MAPK8IP1: variants seen among roughly 807,000 people sequenced by gnomAD.
MAPK8IP1 encodes the protein mitogen-activated protein kinase 8 interacting protein 1, also known as C-Jun-amino-terminal kinase-interacting protein 1.
A neutral mutation model predicts 72.6 loss-of-function variants in MAPK8IP1; 17 were observed. That is an observed-to-expected ratio of 0.23 (90% CI 0.16 to 0.35). MAPK8IP1 has a LOEUF of 0.35. MAPK8IP1 is among the 10% of genes least tolerant of loss of function. The probability of loss-of-function intolerance (pLI) is 1.00; values close to 1 mark genes in which losing one functional copy is unlikely to be tolerated. For synonymous variants in MAPK8IP1, 401 were observed against 443.4 expected (o/e 0.90, Z 1.20); for missense variants, 789 against 1,009.7 (o/e 0.78, Z 2.96).
At chr11:45,896,618 G>C in intron 1 of MAPK8IP1, 1 of 1,354,058 alleles carries the variant, frequency 7.4e-7, no homozygotes, top group South Asian at 1.9e-5. Context: ...AGGCCAGCCG[G>C]GAGGAAGGTG....
Position 45,903,234 on chromosome 11 carries a change from A to G in MAPK8IP1, c.1417+50A>G, listed in dbSNP as rs759793750. ...GGGTGGGGGGGTCCCTAGCGGGGGC[A>G]GAGCCAAAATGCGAAGTGTTCTGGG... On this transcript the variant is annotated intron_variant, in intron 5 of 11. Transcript: ENST00000241014. The surrounding 1 kb of genome is among the most constrained non-coding windows in gnomAD (Gnocchi z 6.4). 4.4e-6 allele frequency: 7 copies of G among 1,590,006 alleles called. No homozygotes were observed. In the Admixed American group the frequency reaches 1.2e-4, roughly 27 times the overall value.
chr11:45,903,119 A>T lies in MAPK8IP1; in HGVS notation c.1352A>T (p.Glu451Val), dbSNP rs1341661400. 3 of 1,609,500 alleles carry T rather than the reference A, an allele frequency of 1.9e-6. No individual in the cohort carries two copies. The South Asian group carries it at 3.3e-5, about 18-fold the overall frequency. The change falls in exon 5 of 12, where the codon GAA becomes GTA. Residue 451 changes from glutamate (E) to valine (V), a missense_variant. Transcript: ENST00000241014. The surrounding 1 kb of genome is among the most constrained non-coding windows in gnomAD (Gnocchi z 6.4). ...CTCTCCGAGGACTCCACGCCTGATGAACCCGACGTCCATTTCTCCAAGAAA... is the reference window on the plus strand; with the variant it reads ...CTCTCCGAGGACTCCACGCCTGATGTACCCGACGTCCATTTCTCCAAGAAA... ...ACLSEDSTPD[E>V]PDVHFSKKFL...
rs761801234 is a variant in MAPK8IP1, at chr11:45,903,048, C to T, written c.1281C>T (p.Ile427=). Residue 427 remains isoleucine (I), a synonymous_variant, in exon 5 of 12, where the codon ATC becomes ATT. Coordinates refer to ENST00000241014, the MANE Select transcript of MAPK8IP1 (RefSeq NM_005456.4). The surrounding 1 kb of genome is among the most constrained non-coding windows in gnomAD (Gnocchi z 6.4). ...ASVSSPYESA[I]GEEYEEAPRP... is the part of the protein sequence containing the mutation. Reference sequence around the variant, plus strand: ...TCTCCTCGCCCTATGAGTCGGCCATCGGAGAGGAATATGAGGAGGCCCCGC... The same window carrying T: ...TCTCCTCGCCCTATGAGTCGGCCATTGGAGAGGAATATGAGGAGGCCCCGC... 22 of 1,611,474 alleles carry T rather than the reference C, an allele frequency of 1.4e-5. No homozygotes were observed. The highest frequency in any genetic ancestry group is 2.1e-4 in the Middle Eastern group (1 of 4,720).
rs895578505 is a variant in MAPK8IP1, at chr11:45,885,856, G to A, written c.36G>A (p.Gly12=). ...AERESGGLGG[G]AASPPAASPF... is the part of the protein sequence containing the mutation. ...GAGAAAGCGGCGGCCTGGGAGGGGG[G>A]GCCGCGTCCCCGCCCGCCGCCTCCC... Residue 12 remains glycine, a synonymous_variant, in exon 1 of 12, where the codon GGG becomes GGA. Coordinates refer to ENST00000241014, the MANE Select transcript of MAPK8IP1 (RefSeq NM_005456.4). 2.1e-6 allele frequency: 3 copies of A among 1,453,054 alleles called. No homozygotes were observed. The highest frequency in any genetic ancestry group is 1.9e-4 in the Middle Eastern group (1 of 5,234). 90.0% of individuals were successfully genotyped at this position (1,453,054 alleles called of 1,614,324 possible).
chr11:45,885,724 C>G lies in MAPK8IP1; in HGVS notation c.-97C>G, dbSNP rs1477311060. The G allele has an allele frequency of 5.0e-6, 3 of 604,620 alleles. No individual in the cohort carries two copies. Among genetic ancestry groups the G allele is most frequent in the Non-Finnish European group, 2.5e-6 (1 of 400,944 alleles). 37.5% of individuals were successfully genotyped at this position (604,620 alleles called of 1,614,324 possible). A position where few individuals can be genotyped will look rare whatever the true frequency, so the allele number is the denominator to read the frequency against. On this transcript the variant is annotated 5_prime_UTR_variant, in exon 1 of 12. Coordinates refer to ENST00000241014, the MANE Select transcript of MAPK8IP1 (RefSeq NM_005456.4). ...GTGCGCCCGCCTAGCCCGAACTCCG[C>G]GGCGGCGGCTGCCCTCTCGCCGCGC...
At chr11:45,889,576 A>C (rs1286619905) in intron 1 of MAPK8IP1, among the ~76,000 whole-genome samples, 2 of 152,134 alleles carry the variant, frequency 1.3e-5, no homozygotes, top group Non-Finnish European at 2.9e-5. Context: ...AGCAGAGACA[A>C]AGGGGGTTTC....
Position 45,905,792 on chromosome 11 carries a change from GT to G in MAPK8IP1, c.*72del. ...CAGGACAGCTGGCTGCTGACAGGAT[GT>G]GGCACTGCTTGAGGAGGGGCACCTG... On this transcript the variant is annotated 3_prime_UTR_variant, in exon 12 of 12. Transcript: ENST00000241014. The G allele has an allele frequency of 6.8e-7, 1 of 1,468,212 alleles. No homozygotes were observed. The highest frequency in any genetic ancestry group is 1.1e-5 in the South Asian group (1 of 88,174). 90.9% of individuals were successfully genotyped at this position (1,468,212 alleles called of 1,614,324 possible).
chr11:45,895,532 A>C (rs1238336511), intron 1 of MAPK8IP1, among the ~76,000 whole-genome samples: 1 of 151,512 alleles, frequency 6.6e-6, no homozygotes, highest in African/African-American at 2.4e-5. Context: ...AGGCAGGAGA[A>C]TCACTTGAAC....
At position 45,900,524 on chromosome 11, in the gene MAPK8IP1, A is replaced by G; in HGVS notation, c.522+72A>G. ...GTGAGGGGGAGCGCAGAGGGGCTGC[A>G]GCGGGAAGGGGCACCCACGGGTCCA... On this transcript the variant is annotated intron_variant, in intron 3 of 11. Coordinates refer to ENST00000241014, the MANE Select transcript of MAPK8IP1 (RefSeq NM_005456.4). The surrounding 1 kb of genome is among the most constrained non-coding windows in gnomAD (Gnocchi z 6.5). 1.3e-6 allele frequency: 2 copies of G among 1,496,422 alleles called. No homozygotes were observed. The highest frequency in any genetic ancestry group is 1.8e-6 in the Non-Finnish European group (2 of 1,122,168). 92.7% of individuals were successfully genotyped at this position (1,496,422 alleles called of 1,614,324 possible).
Position 45,900,422 on chromosome 11 carries a change from C to T in MAPK8IP1, c.492C>T (p.Leu164=), listed in dbSNP as rs1241099587. 1.3e-6 allele frequency: 2 copies of T among 1,532,168 alleles called. No homozygotes were observed. Among genetic ancestry groups the T allele is most frequent in the South Asian group, 1.2e-5 (1 of 83,760 alleles). 94.9% of individuals were successfully genotyped at this position (1,532,168 alleles called of 1,614,324 possible). A position where few individuals can be genotyped will look rare whatever the true frequency, so the allele number is the denominator to read the frequency against. Residue 164 remains leucine, a synonymous_variant, in exon 3 of 12, where the codon CTC becomes CTT. Coordinates refer to ENST00000241014, the MANE Select transcript of MAPK8IP1 (RefSeq NM_005456.4). The surrounding 1 kb of genome is among the most constrained non-coding windows in gnomAD (Gnocchi z 6.5). ...ACCGGCCCAAGCGGCCCACCACGCT[C>T]AACCTCTTTCCGCAGGTGCCGCGGT... ...DTYRPKRPTT[L]NLFPQVPRSQ...
chr11:45,901,881 A>G, intron 3 of MAPK8IP1, 99 bp from the exon 4 acceptor site: 2 of 887,670 alleles, frequency 2.3e-6, no homozygotes, highest in Admixed American at 1.7e-5. Context: ...GGACACAGCA[A>G]ATGGCCCTAG....
At position 45,900,580 on chromosome 11, in the gene MAPK8IP1, G is replaced by A; in HGVS notation, c.522+128G>A. 2 of 1,051,380 alleles carry A rather than the reference G, an allele frequency of 1.9e-6. No homozygotes were observed. Among genetic ancestry groups the A allele is most frequent in the Non-Finnish European group, 2.7e-6 (2 of 747,618 alleles). The allele number at this position is 1,051,380 out of a possible 1,614,324, so 65.1% of individuals were successfully genotyped here. On this transcript the variant is annotated intron_variant, in intron 3 of 11. Coordinates refer to ENST00000241014, the MANE Select transcript of MAPK8IP1 (RefSeq NM_005456.4). This position sits in a 1 kb window ranked among gnomAD's most constrained non-coding sequence, Gnocchi z 6.5. ...TGGGGACAGCGCCTGCATAGGGGCCGCGGTGGCTCGCTCCCGGTGTTGGGA... is the reference window on the plus strand; with the variant it reads ...TGGGGACAGCGCCTGCATAGGGGCCACGGTGGCTCGCTCCCGGTGTTGGGA...
At chr11:45,892,768 A>T (rs550552501) in intron 1 of MAPK8IP1, among the ~76,000 whole-genome samples, 38 of 152,358 alleles carry the variant, frequency 2.5e-4, no homozygotes, top group African/African-American at 9.1e-4. Context: ...CCTAAGGACC[A>T]GGGGAAGCTA....
chr11:45,894,917 G>A (rs973199012), intron 1 of MAPK8IP1, among the ~76,000 whole-genome samples: 4 of 152,234 alleles, frequency 2.6e-5, no homozygotes, highest in Non-Finnish European at 5.9e-5. Context: ...CATCCAGGCA[G>A]ATGGTGACAT....
intron 1 of MAPK8IP1, among the ~76,000 whole-genome samples, chr11:45,886,801 A>T (rs1223129180): frequency 6.6e-6 from 1 of 152,128 alleles, no homozygotes. Context: ...AGGGAGGCTT[A>T]GACATACCCC....
At chr11:45,896,945 G>GC (rs1317511956) in intron 1 of MAPK8IP1, 1 of 1,572,888 alleles carries the variant, frequency 6.4e-7, no homozygotes, top group Middle Eastern at 1.8e-4. Context: ...ATCAATGGGA[G>GC]CGCTGGTAGG....
intron 1 of MAPK8IP1, chr11:45,896,827 C>T (rs2086610113): frequency 6.5e-7 from 1 of 1,546,566 alleles, no homozygotes; most frequent in Non-Finnish European, 8.7e-7. Context: ...CCCTTCCGGG[C>T]ATGAGAGGGC....
chr11:45,901,621 G>T (rs534364608), intron 3 of MAPK8IP1, among the ~76,000 whole-genome samples: 2 of 152,228 alleles, frequency 1.3e-5, no homozygotes, highest in East Asian at 3.9e-4. Flanking sequence ...CCTGGGACTG[G>T]GGGTCTGACT....
intron 1 of MAPK8IP1, among the ~76,000 whole-genome samples, chr11:45,894,005 G>T (rs1348352710): frequency 4.6e-5 from 7 of 151,996 alleles, no homozygotes; most frequent in African/African-American, 1.7e-4. Context: ...TGACCAATCA[G>T]TCCCCCTTGA....
Sources: allele counts gnomAD v4.1 joint callset (sites outside exome capture counted in the v4.1 genomes callset), GRCh38; gene constraint gnomAD v4.1.1; non-coding constraint Gnocchi (gnomAD v3.1); transcripts MANE v1.5; gene names NCBI Gene and HGNC (gene_info 2026-07-23, HGNC 2026-07-21).